The following RGS6 variants were observed in gnomAD, a reference collection of about 807,000 sequenced individuals.
The protein encoded by RGS6 is regulator of G protein signaling 6, also known as regulator of G-protein signaling 6.
RGS6 carries 30 observed loss-of-function variants against 78.5 expected under a neutral mutation model. That is an observed-to-expected ratio of 0.38 (90% CI 0.29 to 0.52). The LOEUF is 0.52. Among genes scored for constraint, RGS6 ranks in the 20% least tolerant of loss-of-function variants. RGS6 has a pLI of 0.85. For synonymous variants in RGS6, 206 were observed against 206.0 expected, an observed-to-expected ratio of 1.00 and a Z score of 0.00; for missense variants, 495 against 609.7, an observed-to-expected ratio of 0.81 and a Z score of 1.98.
chr14:72,243,059 T>A (rs2053332006), intron 2 of RGS6, among the ~76,000 whole-genome samples: 2 of 151,510 alleles, frequency 1.3e-5, no homozygotes, highest in Non-Finnish European at 2.9e-5. Context: ...ACCACGTGGG[T>A]CAGGCTGGTC....
At chr14:72,555,993 C>T (rs577681912) in intron 17 of RGS6, among the ~76,000 whole-genome samples, 26 of 152,250 alleles carry the variant, frequency 1.7e-4, no homozygotes, top group Admixed American at 3.9e-4. Context: ...ATGAGCTACC[C>T]GTGCCATTCC....
At chr14:72,369,439 C>T (rs933397003) in intron 3 of RGS6, among the ~76,000 whole-genome samples, 1 of 152,160 alleles carries the variant, frequency 6.6e-6, no homozygotes, top group South Asian at 2.1e-4. Context: ...TAATAAATTT[C>T]TCTTGTTTTA....
chr14:72,391,641 C>G (rs1450814064), intron 3 of RGS6, among the ~76,000 whole-genome samples: 3 of 152,214 alleles, frequency 2.0e-5, no homozygotes, highest in African/African-American at 7.2e-5. Flanking sequence ...GGTACACATG[C>G]ACAACGTGCA....
intron 1 of RGS6, among the ~76,000 whole-genome samples, chr14:71,949,987 C>T (rs2092116749): frequency 6.6e-6 from 1 of 152,134 alleles, no homozygotes; most frequent in Non-Finnish European, 1.5e-5. Flanking sequence ...CATTTGTGGT[C>T]TGTCTCTGTG....
At chr14:71,910,632 C>T in the RGS6 span, among the ~76,000 whole-genome samples, 1 of 152,084 alleles carries the variant, frequency 6.6e-6, no homozygotes, top group Non-Finnish European at 1.5e-5. Context: ...TTTCCCCCAG[C>T]AAGTGTTCAA....
In RGS6 at chr14:72,564,636, C is replaced by T. The variant is rs2153558698; in HGVS notation, c.*2169C>T. 1 of 152,384 alleles carries T rather than the reference C, an allele frequency of 6.6e-6. No individual in the cohort carries two copies. Among genetic ancestry groups the T allele is most frequent in the Admixed American group, 6.5e-5 (1 of 15,304 alleles). The allele number at this position is 152,384 out of a possible 1,614,324, so 9.4% of individuals were successfully genotyped here. ...GGGCCTGGCTGCCCCCTGCTCCTCCCCATGATGCAGGGGCTTTCTAAGCCA... is the reference window on the plus strand; with the variant it reads ...GGGCCTGGCTGCCCCCTGCTCCTCCTCATGATGCAGGGGCTTTCTAAGCCA... On this transcript the variant is annotated 3_prime_UTR_variant, in exon 18 of 18. Transcript: ENST00000553525.
At chr14:71,883,075 A>G in the RGS6 span, among the ~76,000 whole-genome samples, 2 of 152,252 alleles carry the variant, frequency 1.3e-5, no homozygotes, top group African/African-American at 4.8e-5. Context: ...TAAGCCTCTT[A>G]ACTGTGGCCT....
chr14:71,870,576 A>G, the RGS6 span, among the ~76,000 whole-genome samples: 1 of 152,208 alleles, frequency 6.6e-6, no homozygotes, highest in African/African-American at 2.4e-5. Context: ...GCGTTTCCAC[A>G]GTGATACTGG....
At position 72,537,794 on chromosome 14, in the gene RGS6, GT is replaced by G. The variant is rs1398896037; in HGVS notation, c.1368+1522del. 3 of 540,316 alleles carry G rather than the reference GT, an allele frequency of 5.6e-6. No individual in the cohort carries two copies. The African/African-American group carries it at 5.7e-5, about 10-fold the overall frequency. 33.5% of individuals were successfully genotyped at this position (540,316 alleles called of 1,614,324 possible). On this transcript the variant is annotated intron_variant, in intron 16 of 17. Transcript: ENST00000553525. ...TTGGTGACTTTCTAAGGCTCTGGTAGTTTAACCAGTCTAGGCCTGTCTACAC... is the reference window on the plus strand; with the variant it reads ...TTGGTGACTTTCTAAGGCTCTGGTAGTTAACCAGTCTAGGCCTGTCTACAC...
At chr14:72,420,689 G>T (rs1313540137) in intron 3 of RGS6, among the ~76,000 whole-genome samples, 5 of 152,116 alleles carry the variant, frequency 3.3e-5, no homozygotes, top group Non-Finnish European at 7.3e-5. Flanking sequence ...ACCTTCACTA[G>T]TAATTTAGCT....
At chr14:72,249,790 C>T (rs977006733) in intron 2 of RGS6, among the ~76,000 whole-genome samples, 3 of 151,922 alleles carry the variant, frequency 2.0e-5, no homozygotes, top group African/African-American at 4.8e-5. Context: ...CACATGCACA[C>T]GTATGTTTAT....
chr14:72,001,204 C>T (rs2083356703), intron 2 of RGS6, among the ~76,000 whole-genome samples: 3 of 152,086 alleles, frequency 2.0e-5, no homozygotes, highest in South Asian at 2.1e-4. Flanking sequence ...AACATGTATT[C>T]GTCCCAGTCT....
intron 2 of RGS6, among the ~76,000 whole-genome samples, chr14:72,092,544 G>C (rs2095301855): frequency 6.6e-6 from 1 of 151,884 alleles, no homozygotes. Flanking sequence ...ACCACGCCCA[G>C]CTAATTTTTG....
intron 2 of RGS6, among the ~76,000 whole-genome samples, chr14:72,032,225 C>T (rs1456960183): frequency 6.6e-6 from 1 of 152,060 alleles, no homozygotes; most frequent in Non-Finnish European, 1.5e-5. Flanking sequence ...ATTGGTAAAA[C>T]TACTATTAAG....
chr14:72,145,005 A>G (rs1489747161), intron 2 of RGS6, among the ~76,000 whole-genome samples: 1 of 152,058 alleles, frequency 6.6e-6, no homozygotes, highest in Non-Finnish European at 1.5e-5. Context: ...TGGAGATGGA[A>G]TCATAGAGGG....
chr14:72,404,199 G>A (rs75897684), intron 3 of RGS6, among the ~76,000 whole-genome samples: 3,880 of 152,280 alleles, frequency 0.025, 81 homozygotes, highest in Middle Eastern at 0.085. Flanking sequence ...AGGAGGTGTA[G>A]GTCAAAGTCG....
At chr14:71,908,097 C>T in the RGS6 span, 5 of 152,350 alleles carry the variant, frequency 3.3e-5, no homozygotes, top group Admixed American at 2.6e-4. Flanking sequence ...GAATCCTTCT[C>T]ATTAAAACCC....
At chr14:72,508,626 G>A (rs1287139560) in intron 13 of RGS6, among the ~76,000 whole-genome samples, 1 of 117,104 alleles carries the variant, frequency 8.5e-6, no homozygotes, top group Non-Finnish European at 1.6e-5. Context: ...TTGAGAATAT[G>A]TCAGCTCCAT....
the RGS6 span, among the ~76,000 whole-genome samples, chr14:72,573,462 A>C: frequency 1.3e-5 from 2 of 152,186 alleles, no homozygotes; most frequent in Non-Finnish European, 2.9e-5. Flanking sequence ...AGTTTGAGAA[A>C]GACCCCAGGA....
Sources: gnomAD v4.1 joint callset for allele counts (sites outside exome capture counted in the v4.1 genomes callset) on GRCh38, gnomAD v4.1.1 for gene constraint, MANE v1.5 for transcripts, NCBI Gene and HGNC (gene_info 2026-07-23, HGNC 2026-07-21) for gene names.